G3BP2: variants seen among roughly 807,000 people sequenced by gnomAD.
G3BP2 encodes the protein ras GTPase-activating protein-binding protein 2.
In G3BP2, 11 loss-of-function variants were observed where a neutral mutation model predicts 56.7. The ratio of observed to expected loss-of-function variants is 0.19; its 90% CI spans 0.12 to 0.32. G3BP2 has a LOEUF of 0.32. G3BP2 is among the 10% of genes least tolerant of loss of function. G3BP2 has a pLI of 1.00. For synonymous variants in G3BP2, 165 were observed against 191.6 expected (o/e 0.86, Z 1.15); for missense variants, 340 against 610.9 (o/e 0.56, Z 4.67).
At chr4:75,679,555 G>A (rs1272551564) in intron 3 of G3BP2, among the ~76,000 whole-genome samples, 1 of 152,164 alleles carries the variant, frequency 6.6e-6, no homozygotes, top group Non-Finnish European at 1.5e-5. Flanking sequence ...CAATATGAAT[G>A]ACTGCTATAG....
intron 1 of G3BP2, among the ~76,000 whole-genome samples, chr4:75,664,263 G>C (rs367581975): frequency 1.7e-4 from 26 of 151,900 alleles, no homozygotes; most frequent in African/African-American, 6.0e-4. Context: ...GTATCTACTG[G>C]GTAAATCAGG....
Position 75,717,354 on chromosome 4 carries a change from C to G in G3BP2, c.-25+3523G>C, listed in dbSNP as rs186639932. On this transcript the variant is annotated intron_variant, in intron 3 of 3. Transcript: ENST00000499709. ...ACGCAGGAGGCTGAGATGGGAGGATCGCTTGAGCCTGGGAGAAGGGGGTTG... is the reference window on the plus strand; with the variant it reads ...ACGCAGGAGGCTGAGATGGGAGGATGGCTTGAGCCTGGGAGAAGGGGGTTG... Among the ~76,000 whole-genome samples the G allele has an allele frequency of 4.6e-5, 7 of 152,122 alleles. No individual in the cohort carries two copies. The East Asian group carries it at 1.2e-3, about 25-fold the overall frequency.
chr4:75,660,867 A>C (rs1732498029), intron 2 of G3BP2, among the ~76,000 whole-genome samples: 1 of 152,200 alleles, frequency 6.6e-6, no homozygotes, highest in Non-Finnish European at 1.5e-5. Flanking sequence ...CAAAAATTAA[A>C]TACTACACAT....
At chr4:75,693,837 C>G (rs1312997978) in intron 3 of G3BP2, among the ~76,000 whole-genome samples, 2 of 150,202 alleles carry the variant, frequency 1.3e-5, no homozygotes, top group Admixed American at 6.6e-5. Context: ...TGGGCTCACG[C>G]AATCCTCAGG....
chr4:75,707,210 T>C (rs1371310683), intron 3 of G3BP2, among the ~76,000 whole-genome samples: 2 of 120,974 alleles, frequency 1.7e-5, no homozygotes, highest in Non-Finnish European at 3.5e-5. Context: ...ACACGGAAAA[T>C]AGTATAATAA....
chr4:75,692,772 A>G (rs1718921782), intron 3 of G3BP2, among the ~76,000 whole-genome samples: 1 of 152,222 alleles, frequency 6.6e-6, no homozygotes, highest in Non-Finnish European at 1.5e-5. Flanking sequence ...ATAATGGGCT[A>G]TGAAGAAAAA....
chr4:75,707,875 ATTAAT>A (rs1272961977), intron 3 of G3BP2, among the ~76,000 whole-genome samples: 1 of 152,202 alleles, frequency 6.6e-6, no homozygotes, highest in Admixed American at 6.5e-5. Context: ...AAATGTAAAC[ATTAAT>A]TTAATTAACT....
At chr4:75,694,757 C>T in intron 3 of G3BP2, 1 of 987,118 alleles carries the variant, frequency 1.0e-6, no homozygotes, top group Non-Finnish European at 1.2e-6. Context: ...AACAAACAAA[C>T]AAACAAACAA....
At chr4:75,653,951 G>T in intron 8 of G3BP2, 32 bp downstream of exon 8, 1 of 937,902 alleles carries the variant, frequency 1.1e-6, no homozygotes, top group Non-Finnish European at 1.8e-6. Flanking sequence ...ATGTAACAAG[G>T]ATACAATCCA....
chr4:75,667,323 GA>G, intron 1 of G3BP2, among the ~76,000 whole-genome samples: 1 of 150,114 alleles, frequency 6.7e-6, no homozygotes, highest in South Asian at 2.1e-4. Context: ...AAGATTAAAG[GA>G]TACTTATACA....
chr4:75,718,249 T>G (rs1341393606), intron 3 of G3BP2, among the ~76,000 whole-genome samples: 1 of 151,570 alleles, frequency 6.6e-6, no homozygotes, highest in African/African-American at 2.4e-5. Context: ...TTTTTTTTTT[T>G]TAGGTGTTTC....
Position 75,709,855 on chromosome 4 carries a change from A to T in G3BP2, c.-25+11022T>A, listed in dbSNP as rs1363302853. 2.0e-5 allele frequency among the ~76,000 whole-genome samples: 3 copies of T among 151,238 alleles called. No homozygotes were observed. The East Asian group carries it at 5.8e-4, about 29-fold the overall frequency. Reference sequence around the variant, plus strand: ...CAGCTCAAATAATGCAGTTTTTTACAGTATCATCTATTCCAAGGGTTGCTA... The same window carrying T: ...CAGCTCAAATAATGCAGTTTTTTACTGTATCATCTATTCCAAGGGTTGCTA... On this transcript the variant is annotated intron_variant, in intron 3 of 3. Coordinates refer to the G3BP2 transcript ENST00000499709.
Position 75,702,228 on chromosome 4 carries a change from T to C in G3BP2, c.-25+18649A>G, listed in dbSNP as rs554585046. Among the ~76,000 whole-genome samples the C allele has an allele frequency of 2.9e-5, 4 of 138,430 alleles. No individual in the cohort carries two copies. In the East Asian group the frequency reaches 9.4e-4, roughly 32 times the overall value. The allele number at this position is 138,430 out of a possible 152,430, so 90.8% of individuals were successfully genotyped here. On this transcript the variant is annotated intron_variant, in intron 3 of 3. Transcript: ENST00000499709. Reference sequence around the variant, plus strand: ...TCTGGCTCTGTTGCCCAGGCTGGAATGCAGTGACACAATCTTGGCTTACTG... The same window carrying C: ...TCTGGCTCTGTTGCCCAGGCTGGAACGCAGTGACACAATCTTGGCTTACTG...
chr4:75,688,177 T>C (rs1578430249), intron 3 of G3BP2, among the ~76,000 whole-genome samples: 1 of 152,162 alleles, frequency 6.6e-6, no homozygotes, highest in South Asian at 2.1e-4. Context: ...TTCTTTTTTT[T>C]TTTAATAGAG....
At chr4:75,698,784 GC>G (rs1455554333) in intron 3 of G3BP2, among the ~76,000 whole-genome samples, 2 of 152,040 alleles carry the variant, frequency 1.3e-5, no homozygotes, top group African/African-American at 2.4e-5. Context: ...GCTCACTGAA[GC>G]CTCAAACTCA....
chr4:75,649,007 T>C, intron 8 of G3BP2: 1 of 263,626 alleles, frequency 3.8e-6, no homozygotes, highest in African/African-American at 2.2e-5. Flanking sequence ...TCATTAAAGT[T>C]ATATCAACAC....
intron 3 of G3BP2, among the ~76,000 whole-genome samples, chr4:75,679,917 G>T (rs929074496): frequency 6.6e-6 from 1 of 152,154 alleles, no homozygotes; most frequent in African/African-American, 2.4e-5. Context: ...AATGAATGAG[G>T]AGGCATTTGC....
At chr4:75,658,968 A>G in intron 2 of G3BP2, 44 bp from the exon 3 acceptor site, 1 of 1,401,636 alleles carries the variant, frequency 7.1e-7, no homozygotes, top group South Asian at 1.2e-5. Flanking sequence ...TGTCAAGAGA[A>G]GCCTAAGAAG....
At chr4:75,707,414 G>A (rs1577896496) in intron 3 of G3BP2, among the ~76,000 whole-genome samples, 1 of 151,686 alleles carries the variant, frequency 6.6e-6, no homozygotes, top group African/African-American at 2.4e-5. Flanking sequence ...GAGGTCAGGA[G>A]ATCAAGGCCA....
Sources: gnomAD v4.1 joint callset for allele counts (sites outside exome capture counted in the v4.1 genomes callset) on GRCh38, gnomAD v4.1.1 for gene constraint, MANE v1.5 for transcripts, NCBI Gene and HGNC (gene_info 2026-07-23, HGNC 2026-07-21) for gene names.